The following SLC2A13 variants were observed in gnomAD, a reference collection of about 807,000 sequenced individuals.
SLC2A13 encodes solute carrier family 2 member 13, also known as proton myo-inositol cotransporter.
In SLC2A13, 32 loss-of-function variants were observed where a neutral mutation model predicts 64.4. The observed-to-expected ratio is 0.50, with a 90% CI of 0.37 to 0.67. The LOEUF is 0.67. SLC2A13 is among the 30% of genes least tolerant of loss of function. The pLI is 0.00. For missense variants in SLC2A13, 743 were observed against 829.2 expected, an observed-to-expected ratio of 0.90 and a Z score of 1.28; for synonymous variants, 338 against 327.1, an observed-to-expected ratio of 1.03 and a Z score of -0.36.
intron 1 of SLC2A13, among the ~76,000 whole-genome samples, chr12:40,056,531 A>C (rs1229324259): frequency 6.6e-6 from 1 of 152,176 alleles, no homozygotes; most frequent in East Asian, 1.9e-4. Flanking sequence ...GCTTTCCCCA[A>C]GGCAGTGAAT....
intron 3 of SLC2A13, among the ~76,000 whole-genome samples, chr12:39,983,523 T>C (rs2136153238): frequency 3.1e-5 from 1 of 32,584 alleles, no homozygotes; most frequent in South Asian, 8.2e-4. Context: ...GCAAAGGACA[T>C]GAACAGACAC....
chr12:39,766,871 A>G (rs1234976097), intron 7 of SLC2A13, among the ~76,000 whole-genome samples: 2 of 152,048 alleles, frequency 1.3e-5, no homozygotes, highest in African/African-American at 2.4e-5. Flanking sequence ...CGCTTCTACA[A>G]TAGTTCTCTT....
intron 6 of SLC2A13, among the ~76,000 whole-genome samples, chr12:39,852,058 A>T (rs1943484161): frequency 6.6e-6 from 1 of 152,216 alleles, no homozygotes; most frequent in Non-Finnish European, 1.5e-5. Flanking sequence ...TTTAGAAAGG[A>T]CTAAAACACA....
rs1270768392 is a variant in SLC2A13, at chr12:40,098,086, CAT to C, written c.556+7165_556+7166del. On this transcript the variant is annotated intron_variant, in intron 1 of 9. Transcript: ENST00000280871. ...ATATGTGTATATATATGTATATATG[CAT>C]ATATGTGTATTTATTTTTATATGTG... Among the ~76,000 whole-genome samples, 9 of 150,828 alleles carry C rather than the reference CAT, an allele frequency of 6.0e-5. No individual in the cohort carries two copies. In the East Asian group the frequency reaches 9.7e-4, roughly 16 times the overall value.
intron 4 of SLC2A13, among the ~76,000 whole-genome samples, chr12:39,947,232 C>G (rs2136095059): frequency 6.6e-6 from 1 of 152,316 alleles, no homozygotes; most frequent in Middle Eastern, 3.4e-3. Context: ...CCACAGTTCT[C>G]TTTATCCGAA....
chr12:39,934,137 T>C (rs1449643248), intron 4 of SLC2A13, among the ~76,000 whole-genome samples: 7 of 152,180 alleles, frequency 4.6e-5, no homozygotes, highest in Admixed American at 4.6e-4. Context: ...GGGTGGCAAA[T>C]AGCAGCCTTG....
intron 3 of SLC2A13, among the ~76,000 whole-genome samples, chr12:39,975,346 A>C (rs1484533345): frequency 6.6e-6 from 1 of 152,238 alleles, no homozygotes; most frequent in Non-Finnish European, 1.5e-5. Flanking sequence ...TAGACCAACT[A>C]AATATTTTAA....
intron 3 of SLC2A13, among the ~76,000 whole-genome samples, chr12:39,984,198 AG>A (rs1034189928): frequency 6.2e-5 from 9 of 145,606 alleles, no homozygotes; most frequent in Non-Finnish European, 1.2e-4. Context: ...GGCAGGGGGG[AG>A]GGATAGCATT....
At chr12:39,927,017 C>CCCTCAAAG (rs1945742571) in intron 4 of SLC2A13, among the ~76,000 whole-genome samples, 2 of 152,136 alleles carry the variant, frequency 1.3e-5, no homozygotes, top group African/African-American at 2.4e-5. Flanking sequence ...ATAAAGCAAT[C>CCCTCAAAG]CATCAATGTA....
intron 3 of SLC2A13, among the ~76,000 whole-genome samples, chr12:40,022,458 C>A (rs7962492): frequency 1.3e-5 from 2 of 152,152 alleles, no homozygotes; most frequent in Non-Finnish European, 2.9e-5. Flanking sequence ...AAGGGTAGGG[C>A]CAATATTCTG....
intron 3 of SLC2A13, among the ~76,000 whole-genome samples, chr12:39,971,212 A>G (rs1474708306): frequency 6.6e-6 from 1 of 152,194 alleles, no homozygotes; most frequent in Non-Finnish European, 1.5e-5. Flanking sequence ...CCAATAAACA[A>G]TGTAGAACAG....
intron 4 of SLC2A13, among the ~76,000 whole-genome samples, chr12:39,898,868 C>T (rs1266927450): frequency 6.6e-6 from 1 of 152,126 alleles, no homozygotes; most frequent in East Asian, 1.9e-4. Context: ...GCATGTTCTT[C>T]ACCCTTGTAT....
chr12:39,838,967 G>A (rs1164289257), intron 6 of SLC2A13, among the ~76,000 whole-genome samples: 1 of 152,124 alleles, frequency 6.6e-6, no homozygotes, highest in East Asian at 1.9e-4. Context: ...GGCAAACACA[G>A]ATGTAGGAAT....
intron 7 of SLC2A13, among the ~76,000 whole-genome samples, chr12:39,781,027 A>G (rs73102562): frequency 0.015 from 2,345 of 152,282 alleles, 58 homozygotes; most frequent in African/African-American, 0.051. Flanking sequence ...ACAATATTTC[A>G]TCTCAAGTTA....
intron 4 of SLC2A13, among the ~76,000 whole-genome samples, chr12:39,924,212 T>C (rs1592287265): frequency 1.3e-5 from 2 of 152,116 alleles, no homozygotes; most frequent in East Asian, 3.8e-4. Context: ...GAAAACAAAA[T>C]GACTAAAGTT....
chr12:39,789,373 C>G (rs1006240752), intron 7 of SLC2A13, among the ~76,000 whole-genome samples: 5 of 151,948 alleles, frequency 3.3e-5, no homozygotes, highest in African/African-American at 1.2e-4. Context: ...CAGGTAGATG[C>G]CTTTAGCTAC....
At chr12:40,073,114 G>A (rs1452233297) in intron 1 of SLC2A13, among the ~76,000 whole-genome samples, 2 of 151,928 alleles carry the variant, frequency 1.3e-5, no homozygotes, top group Non-Finnish European at 2.9e-5. Flanking sequence ...ATCATTTCAT[G>A]AGTAGTATGA....
At chr12:40,049,323 T>C (rs7967822) in intron 1 of SLC2A13, among the ~76,000 whole-genome samples, 35,926 of 151,948 alleles carry the variant, frequency 0.24, 4,682 homozygotes, top group Middle Eastern at 0.36. Flanking sequence ...CAGATCTATA[T>C]AGAATTGCTT....
chr12:39,853,298 C>A lies in SLC2A13; in HGVS notation c.1319+11464G>T, dbSNP rs538438442. The stretch of plus-strand genomic sequence containing the variant: ...TCATCTTACTAGCAGAAGGCTGAAC[C>A]ACTGTGGGTGATCTAAGTGCTGTTT... On this transcript the variant is annotated intron_variant, in intron 6 of 9. Transcript: ENST00000280871. Among the ~76,000 whole-genome samples the A allele has an allele frequency of 1.3e-3, 192 of 152,194 alleles. 2 individuals carry two copies. Among genetic ancestry groups the A allele is most frequent in the African/African-American group, 4.3e-3 (177 of 41,534 alleles).
Sources: allele counts gnomAD v4.1 joint callset (sites outside exome capture counted in the v4.1 genomes callset), GRCh38; gene constraint gnomAD v4.1.1; transcripts MANE v1.5; gene names NCBI Gene and HGNC (gene_info 2026-07-23, HGNC 2026-07-21).